The following EXT1 variants were observed in gnomAD, a reference collection of about 807,000 sequenced individuals.
EXT1 encodes the protein exostosin-1.
EXT1 carries 20 observed loss-of-function variants against 82.5 expected under a neutral mutation model. That is an observed-to-expected ratio of 0.24 (90% CI 0.17 to 0.35). The LOEUF is 0.35. EXT1 is among the 10% of genes least tolerant of loss of function. The pLI, the probability that EXT1 is intolerant of heterozygous loss-of-function variation, is 1.00. For synonymous variants in EXT1, 348 were observed against 350.8 expected, an observed-to-expected ratio of 0.99 and a Z score of 0.09; for missense variants, 757 against 936.5, an observed-to-expected ratio of 0.81 and a Z score of 2.50.
intron 1 of EXT1, among the ~76,000 whole-genome samples, chr8:118,012,858 A>T (rs1815929275): frequency 6.6e-6 from 1 of 152,186 alleles, no homozygotes; most frequent in Admixed American, 6.5e-5. Context: ...CTCTGACTGT[A>T]ATCATACCCA....
At chr8:117,991,406 A>T (rs1252079100) in intron 1 of EXT1, among the ~76,000 whole-genome samples, 1 of 152,100 alleles carries the variant, frequency 6.6e-6, no homozygotes, top group Non-Finnish European at 1.5e-5. Flanking sequence ...CCATTTCTGT[A>T]CATAAGGTGG....
At chr8:118,018,739 A>G (rs1327282891) in intron 1 of EXT1, among the ~76,000 whole-genome samples, 2 of 152,214 alleles carry the variant, frequency 1.3e-5, no homozygotes, top group Non-Finnish European at 2.9e-5. Context: ...TTGTGGGTGC[A>G]TGAGGTTAAT....
At chr8:118,027,347 ACACACAC>A (rs1816221375) in intron 1 of EXT1, among the ~76,000 whole-genome samples, 2 of 130,052 alleles carry the variant, frequency 1.5e-5, no homozygotes, top group South Asian at 2.7e-4. Context: ...ACACACACAC[ACACACAC>A]AATCGCATTT....
intron 1 of EXT1, among the ~76,000 whole-genome samples, chr8:117,972,945 A>G (rs1320421309): frequency 6.6e-6 from 1 of 152,212 alleles, no homozygotes; most frequent in Non-Finnish European, 1.5e-5. Context: ...ACTAAAATTC[A>G]GATGAGATTT....
At chr8:118,087,453 C>T (rs1413018195) in intron 1 of EXT1, among the ~76,000 whole-genome samples, 1 of 152,108 alleles carries the variant, frequency 6.6e-6, no homozygotes, top group Non-Finnish European at 1.5e-5. Flanking sequence ...TAAAAACGTA[C>T]GTAGAAGTTT....
At chr8:117,861,515 G>GTACGC (rs1812685809) in intron 1 of EXT1, among the ~76,000 whole-genome samples, 1 of 90,516 alleles carries the variant, frequency 1.1e-5, no homozygotes, top group Non-Finnish European at 2.2e-5. Context: ...TTTTTTTTGA[G>GTACGC]ATAGAGTCTT....
rs111374581 is a variant in EXT1, at chr8:117,868,847, A to G, written c.963-31646T>C. Among the ~76,000 whole-genome samples, 289 of 152,220 alleles carry G rather than the reference A, an allele frequency of 1.9e-3. 1 individual carries two copies. Among genetic ancestry groups the G allele is most frequent in the African/African-American group, 6.6e-3 (274 of 41,532 alleles). ...ACTATGAAAATATGTCACGGAACAA[A>G]TGTTGAAGTCCTGCCAAAATTCCAG... On this transcript the variant is annotated intron_variant, in intron 1 of 10. Coordinates refer to ENST00000378204, the MANE Select transcript of EXT1 (RefSeq NM_000127.3).
intron 1 of EXT1, among the ~76,000 whole-genome samples, chr8:118,102,561 C>T (rs965519184): frequency 3.9e-5 from 6 of 152,270 alleles, no homozygotes; most frequent in African/African-American, 1.4e-4. Flanking sequence ...ACATAAGTGT[C>T]TGGCACAAAC....
intron 1 of EXT1, among the ~76,000 whole-genome samples, chr8:117,945,057 G>C (rs1020793900): frequency 1.3e-5 from 2 of 152,232 alleles, no homozygotes; most frequent in African/African-American, 2.4e-5. Context: ...AGCTACTCAG[G>C]AGGCTGAGGC....
intron 1 of EXT1, among the ~76,000 whole-genome samples, chr8:117,866,793 CAA>C (rs10709657): frequency 1.7e-3 from 158 of 91,830 alleles, no homozygotes; most frequent in African/African-American, 6.0e-3. Context: ...CTGGCCTACC[CAA>C]AAAAAAAAAA....
At chr8:117,947,679 T>A (rs1272554890) in intron 1 of EXT1, among the ~76,000 whole-genome samples, 2 of 152,194 alleles carry the variant, frequency 1.3e-5, no homozygotes, top group African/African-American at 4.8e-5. Flanking sequence ...GACTATTCTG[T>A]GAAAAGCATT....
chr8:118,018,074 T>C (rs1431004173), intron 1 of EXT1, among the ~76,000 whole-genome samples: 2 of 152,226 alleles, frequency 1.3e-5, no homozygotes, highest in African/African-American at 4.8e-5. Context: ...CAGTGTGATA[T>C]ATACATATCC....
At chr8:117,944,875 C>A (rs181979108) in intron 1 of EXT1, among the ~76,000 whole-genome samples, 1 of 151,984 alleles carries the variant, frequency 6.6e-6, no homozygotes, top group Non-Finnish European at 1.5e-5. Flanking sequence ...AAAAATAGAT[C>A]ATCTCGGCCA....
At chr8:117,903,068 A>G (rs181973189) in intron 1 of EXT1, among the ~76,000 whole-genome samples, 75 of 152,334 alleles carry the variant, frequency 4.9e-4, no homozygotes, top group South Asian at 8.3e-4. Context: ...CTCCATCTGT[A>G]TTTATGAAGC....
intron 1 of EXT1, among the ~76,000 whole-genome samples, chr8:117,914,450 A>T (rs1813708525): frequency 2.0e-5 from 3 of 152,130 alleles, no homozygotes; most frequent in Non-Finnish European, 4.4e-5. Context: ...AGGGAAGACA[A>T]CCATAAGGTC....
intron 1 of EXT1, among the ~76,000 whole-genome samples, chr8:118,102,047 A>G (rs1238652181): frequency 6.6e-6 from 1 of 151,914 alleles, no homozygotes; most frequent in Non-Finnish European, 1.5e-5. Flanking sequence ...TGGGTAGATC[A>G]CCTCAGATCA....
chr8:118,003,413 TA>T (rs1020160425), intron 1 of EXT1, among the ~76,000 whole-genome samples: 1 of 150,760 alleles, frequency 6.6e-6, no homozygotes, highest in Non-Finnish European at 1.5e-5. Context: ...AAAAAAAAAT[TA>T]AAAAAAAAGA....
intron 1 of EXT1, among the ~76,000 whole-genome samples, chr8:118,090,595 T>C (rs1280014170): frequency 6.6e-6 from 1 of 151,582 alleles, no homozygotes; most frequent in East Asian, 1.9e-4. Flanking sequence ...CTGGCCAACA[T>C]GATGAAACCC....
intron 1 of EXT1, among the ~76,000 whole-genome samples, chr8:117,973,870 G>GGAAAT (rs1216745855): frequency 8.8e-6 from 1 of 114,266 alleles, no homozygotes; most frequent in African/African-American, 3.6e-5. Flanking sequence ...GGAAAGGAAA[G>GGAAAT]GAAAGGAAAG....
Sources: allele counts gnomAD v4.1 joint callset (sites outside exome capture counted in the v4.1 genomes callset), GRCh38; gene constraint gnomAD v4.1.1; transcripts MANE v1.5; gene names NCBI Gene and HGNC (gene_info 2026-07-23, HGNC 2026-07-21).